The following PSMA1 variants were observed in gnomAD, a reference collection of about 807,000 sequenced individuals.
PSMA1 encodes the protein proteasome subunit alpha type-1.
Under a neutral mutation model 38.4 loss-of-function variants are expected in PSMA1, and 3 were observed. That is an observed-to-expected ratio of 0.08 (90% CI 0.04 to 0.20). The LOEUF (loss-of-function observed/expected upper bound fraction) is 0.20, where lower values mean the gene tolerates loss of function less well. Ranked by LOEUF, PSMA1 falls within the 10% of genes least tolerant of loss-of-function variation. The pLI is 1.00. For synonymous variants in PSMA1, 101 were observed against 107.1 expected, an observed-to-expected ratio of 0.94 and a Z score of 0.35; for missense variants, 227 against 325.3, an observed-to-expected ratio of 0.70 and a Z score of 2.32.
chr11:14,520,233 G>T (rs1851505497), intron 1 of PSMA1, 64 bp downstream of exon 1: 5 of 1,605,916 alleles, frequency 3.1e-6, no homozygotes, highest in Non-Finnish European at 4.3e-6. Flanking sequence ...AGGAGAGGTG[G>T]CTCGTCATCC....
At chr11:14,508,014 T>C (rs981848202) in intron 8 of PSMA1, among the ~76,000 whole-genome samples, 4 of 152,220 alleles carry the variant, frequency 2.6e-5, no homozygotes, top group African/African-American at 9.6e-5. Context: ...AGAAACATTT[T>C]TTTAAAAAGA....
In PSMA1 at chr11:14,576,868, C is replaced by T. The variant is rs1039753552; in HGVS notation, c.21+34098G>A. On this transcript the variant is annotated intron_variant, in intron 2 of 10. Coordinates refer to the PSMA1 transcript ENST00000418988. ...GGCATTGAATCTATAAATTACCTTGCGCAGTATGGCCATTTTCATGATATT... is the reference window on the plus strand; with the variant it reads ...GGCATTGAATCTATAAATTACCTTGTGCAGTATGGCCATTTTCATGATATT... Among the ~76,000 whole-genome samples the T allele has an allele frequency of 5.3e-5, 8 of 152,170 alleles. No homozygotes were observed. The South Asian group carries it at 6.2e-4, about 12-fold the overall frequency.
intron 2 of PSMA1, among the ~76,000 whole-genome samples, chr11:14,536,256 G>A (rs1396754245): frequency 1.3e-5 from 2 of 152,174 alleles, no homozygotes; most frequent in Admixed American, 6.5e-5. Context: ...GCCGCGCGAG[G>A]TGGCTCACGC....
At chr11:14,555,551 C>T (rs1028146058) in intron 2 of PSMA1, among the ~76,000 whole-genome samples, 2 of 152,214 alleles carry the variant, frequency 1.3e-5, no homozygotes, top group African/African-American at 4.8e-5. Flanking sequence ...ATTTTGCTCA[C>T]TCTTCCCCAC....
chr11:14,536,673 A>G (rs1851712634), intron 2 of PSMA1, among the ~76,000 whole-genome samples: 1 of 152,032 alleles, frequency 6.6e-6, no homozygotes, highest in Non-Finnish European at 1.5e-5. Flanking sequence ...GTGCAGTGGC[A>G]CGATCTCGGC....
At chr11:14,609,949 C>T (rs1407518180) in intron 2 of PSMA1, among the ~76,000 whole-genome samples, 1 of 152,176 alleles carries the variant, frequency 6.6e-6, no homozygotes, top group African/African-American at 2.4e-5. Context: ...CTAAAGAAGA[C>T]ATGATTGTGG....
intron 1 of PSMA1, among the ~76,000 whole-genome samples, chr11:14,617,711 G>A (rs12787709): frequency 0.29 from 44,204 of 150,826 alleles, 7,472 homozygotes; most frequent in South Asian, 0.42. Flanking sequence ...GTGTGTGTGT[G>A]TGTGTGTGTG....
At chr11:14,585,614 G>T (rs1434125809) in intron 2 of PSMA1, among the ~76,000 whole-genome samples, 1 of 152,220 alleles carries the variant, frequency 6.6e-6, no homozygotes, top group African/African-American at 2.4e-5. Context: ...CACCCATTCC[G>T]ACACAGAAAG....
intron 2 of PSMA1, among the ~76,000 whole-genome samples, chr11:14,604,313 C>T (rs897706978): frequency 2.6e-5 from 4 of 152,164 alleles, no homozygotes; most frequent in South Asian, 4.1e-4. Context: ...CCACCCACCT[C>T]GGCCTCCCAA....
intron 1 of PSMA1, among the ~76,000 whole-genome samples, chr11:14,635,426 T>C (rs1162822300): frequency 6.6e-6 from 1 of 152,190 alleles, no homozygotes; most frequent in Non-Finnish European, 1.5e-5. Flanking sequence ...CAAGCATAAT[T>C]CTAGTGAAGA....
intron 2 of PSMA1, among the ~76,000 whole-genome samples, chr11:14,601,939 C>T (rs1050969390): frequency 2.6e-5 from 4 of 152,124 alleles, no homozygotes; most frequent in Non-Finnish European, 4.4e-5. Flanking sequence ...AATGTTTACC[C>T]GCACCCTTCA....
At chr11:14,547,044 T>C (rs147187616) in intron 2 of PSMA1, among the ~76,000 whole-genome samples, 2 of 152,278 alleles carry the variant, frequency 1.3e-5, no homozygotes, top group East Asian at 3.9e-4. Flanking sequence ...CATAATGAAA[T>C]GACAACAAAT....
chr11:14,537,416 C>T (rs1186606401), intron 2 of PSMA1, among the ~76,000 whole-genome samples: 1 of 152,076 alleles, frequency 6.6e-6, no homozygotes, highest in Admixed American at 6.6e-5. Context: ...AAGAATAACA[C>T]ATACAAATCA....
intron 2 of PSMA1, among the ~76,000 whole-genome samples, chr11:14,535,779 G>A (rs1461147743): frequency 6.6e-6 from 1 of 151,954 alleles, no homozygotes; most frequent in East Asian, 1.9e-4. Context: ...CTTTTATTTG[G>A]ATTTTTTTTA....
At chr11:14,529,988 G>A (rs1460363679) in intron 2 of PSMA1, among the ~76,000 whole-genome samples, 1 of 152,134 alleles carries the variant, frequency 6.6e-6, no homozygotes, top group Non-Finnish European at 1.5e-5. Flanking sequence ...CCATGAAGCG[G>A]GGAATTTTTA....
At chr11:14,630,888 T>C in intron 1 of PSMA1, among the ~76,000 whole-genome samples, 1 of 152,086 alleles carries the variant, frequency 6.6e-6, no homozygotes, top group Non-Finnish European at 1.5e-5. Flanking sequence ...CCTGGTTTAG[T>C]CTTGGGAGAG....
At chr11:14,563,692 G>A (rs1852036060) in intron 2 of PSMA1, among the ~76,000 whole-genome samples, 1 of 151,910 alleles carries the variant, frequency 6.6e-6, no homozygotes, top group African/African-American at 2.4e-5. Context: ...ATGCAGATAA[G>A]CTAAAAAAAA....
Position 14,534,860 on chromosome 11 carries a change from G to A in PSMA1, c.22-15819C>T, listed in dbSNP as rs1342067776. On this transcript the variant is annotated intron_variant, in intron 2 of 10. Transcript: ENST00000418988. This position sits in a 1 kb window ranked among gnomAD's most constrained non-coding sequence, Gnocchi z 4.5. ...ACTTTGGGAGGCAGGCAGATCTCCT[G>A]AGATCAGGAATTCAAGACCAGCCTG... Among the ~76,000 whole-genome samples the A allele has an allele frequency of 6.6e-6, 1 of 152,182 alleles. No individual in the cohort carries two copies. Among genetic ancestry groups the A allele is most frequent in the Non-Finnish European group, 1.5e-5 (1 of 68,018 alleles).
chr11:14,627,275 CT>C (rs1203978422), intron 1 of PSMA1, among the ~76,000 whole-genome samples: 2 of 152,178 alleles, frequency 1.3e-5, no homozygotes, highest in African/African-American at 2.4e-5. Context: ...ATTCCAGGGT[CT>C]ATTCGAAACT....
Sources: allele counts gnomAD v4.1 joint callset (sites outside exome capture counted in the v4.1 genomes callset), GRCh38; gene constraint gnomAD v4.1.1; non-coding constraint Gnocchi (gnomAD v3.1); transcripts MANE v1.5; gene names NCBI Gene and HGNC (gene_info 2026-07-23, HGNC 2026-07-21).